MAP3K13: variants seen among roughly 807,000 people sequenced by gnomAD.
MAP3K13 encodes the protein leucine zipper-bearing kinase.
In MAP3K13, 52 loss-of-function variants were observed where a neutral mutation model predicts 104.0. The observed-to-expected ratio is 0.50, with a 90% CI of 0.40 to 0.63. The LOEUF is 0.63. Ranked by LOEUF, MAP3K13 falls within the 20% of genes least tolerant of loss-of-function variation. The pLI is 0.00. For missense variants in MAP3K13, 914 were observed against 1,218.5 expected (o/e 0.75, Z 3.72); for synonymous variants, 394 against 442.2 (o/e 0.89, Z 1.37).
chr3:185,462,807 T>A lies in MAP3K13; in HGVS notation c.1279-743T>A, dbSNP rs185797601. On this transcript the variant is annotated intron_variant, in intron 7 of 13. Transcript: ENST00000265026. ...AATAAATAAATAAACAAATTTTTTT[T>A]AAAGCAGTCATTCAAAGCCTAGGTG... Among the ~76,000 whole-genome samples the A allele has an allele frequency of 1.7e-3, 255 of 152,230 alleles. 1 individual carries two copies. Among genetic ancestry groups the A allele is most frequent in the African/African-American group, 4.9e-3 (205 of 41,554 alleles).
At chr3:185,363,547 A>G (rs950005069) in intron 1 of MAP3K13, among the ~76,000 whole-genome samples, 179 bp downstream of exon 1, 3 of 152,110 alleles carry the variant, frequency 2.0e-5, no homozygotes, top group Non-Finnish European at 4.4e-5. Context: ...AGCCTCTGAA[A>G]CTGACAGCTG....
chr3:185,356,443 CA>C (rs1723354792), intron 2 of MAP3K13, among the ~76,000 whole-genome samples: 1 of 152,194 alleles, frequency 6.6e-6, no homozygotes, highest in South Asian at 2.1e-4. Context: ...GGAGGTCCAG[CA>C]GAGTAACTGG....
At chr3:185,456,596 CTTTTTTTTTT>C (rs35547697) in intron 7 of MAP3K13, among the ~76,000 whole-genome samples, 1 of 108,006 alleles carries the variant, frequency 9.3e-6, no homozygotes, top group African/African-American at 3.5e-5. Context: ...TTTGCTTCTC[CTTTTTTTTTT>C]TTTTTTTTTT....
chr3:185,455,646 G>C (rs1032530297), intron 7 of MAP3K13, among the ~76,000 whole-genome samples: 4 of 8,102 alleles, frequency 4.9e-4, no homozygotes, highest in African/African-American at 1.3e-3. Context: ...ATATATATGA[G>C]ATATATATAT....
rs567904911 is a variant in MAP3K13 at position 185,354,925 on chromosome 3, G to T, written c.-86+69282G>T. ...GGGGAGGGTTAACAGGTAATGGATA[G>T]AATTTAAAAGTATAGTCAGTTTCAA... On this transcript the variant is annotated intron_variant, in intron 2 of 14. Coordinates refer to the MAP3K13 transcript ENST00000424227. Among the ~76,000 whole-genome samples the T allele has an allele frequency of 2.6e-5, 4 of 152,216 alleles. 1 individual carries two copies. In the South Asian group the frequency reaches 8.3e-4, roughly 32 times the overall value.
At chr3:185,465,991 C>A (rs189515605) in intron 9 of MAP3K13, 128 bp downstream of exon 9, 1 of 737,234 alleles carries the variant, frequency 1.4e-6, no homozygotes, top group East Asian at 2.7e-5. Flanking sequence ...ACATTCCTTC[C>A]GGGATGTGCT....
At chr3:185,306,318 A>G (rs1389348790) in intron 2 of MAP3K13, among the ~76,000 whole-genome samples, 1 of 152,234 alleles carries the variant, frequency 6.6e-6, no homozygotes, top group Non-Finnish European at 1.5e-5. Context: ...GCTAGGTTGA[A>G]TGGTAGTTCT....
At chr3:185,341,662 G>A (rs1454327684) in intron 2 of MAP3K13, among the ~76,000 whole-genome samples, 1 of 152,122 alleles carries the variant, frequency 6.6e-6, no homozygotes, top group African/African-American at 2.4e-5. Flanking sequence ...CCTTGGGTGT[G>A]GGCTGGACCT....
At chr3:185,326,924 G>C (rs1005217298) in intron 2 of MAP3K13, among the ~76,000 whole-genome samples, 2 of 152,158 alleles carry the variant, frequency 1.3e-5, no homozygotes, top group Non-Finnish European at 2.9e-5. Flanking sequence ...ATTCTGTTCA[G>C]TCTTGAGTAT....
At chr3:185,393,489 C>T (rs1401292383) in intron 1 of MAP3K13, among the ~76,000 whole-genome samples, 7 of 146,464 alleles carry the variant, frequency 4.8e-5, no homozygotes, top group African/African-American at 1.0e-4. Flanking sequence ...GACGGAGTCT[C>T]GCTCTGTTGT....
At chr3:185,341,488 T>G (rs1297942703) in intron 2 of MAP3K13, among the ~76,000 whole-genome samples, 1 of 152,238 alleles carries the variant, frequency 6.6e-6, no homozygotes, top group Non-Finnish European at 1.5e-5. Context: ...TCTGTTGTTT[T>G]AAGCCACCAG....
intron 2 of MAP3K13, among the ~76,000 whole-genome samples, chr3:185,288,039 A>G (rs1334893266): frequency 6.6e-6 from 1 of 152,220 alleles, no homozygotes; most frequent in Middle Eastern, 3.2e-3. Flanking sequence ...TATTTTGCAT[A>G]TAGTCATTTC....
At chr3:185,399,585 G>A (rs560592392) in intron 1 of MAP3K13, among the ~76,000 whole-genome samples, 78 of 142,642 alleles carry the variant, frequency 5.5e-4, no homozygotes, top group Non-Finnish European at 7.6e-4. Context: ...TCCAGCCTGG[G>A]CATAGGGTGA....
intron 1 of MAP3K13, among the ~76,000 whole-genome samples, chr3:185,386,734 G>A (rs1433942669): frequency 1.3e-5 from 2 of 152,198 alleles, no homozygotes; most frequent in Non-Finnish European, 2.9e-5. Flanking sequence ...AAAGGAATAA[G>A]ATCATGTTCT....
chr3:185,472,378 AATTTTTGT>A (rs1355043387), intron 10 of MAP3K13, among the ~76,000 whole-genome samples: 6 of 151,586 alleles, frequency 4.0e-5, no homozygotes, highest in African/African-American at 1.5e-4. Flanking sequence ...ACGCCTGGCT[AATTTTTGT>A]ATTTTTAGTA....
At chr3:185,437,245 A>G (rs1289554250) in intron 2 of MAP3K13, among the ~76,000 whole-genome samples, 1 of 152,064 alleles carries the variant, frequency 6.6e-6, no homozygotes, top group East Asian at 1.9e-4. Context: ...GCTTTATTTC[A>G]GTGATTTAAA....
chr3:185,330,103 A>C (rs1348820253), intron 2 of MAP3K13, among the ~76,000 whole-genome samples: 1 of 130,024 alleles, frequency 7.7e-6, no homozygotes, highest in Non-Finnish European at 1.6e-5. Flanking sequence ...GGGTTTCACC[A>C]TGTTAGCCAG....
At chr3:185,362,330 AT>A (rs1723661397), upstream of MAP3K13, among the ~76,000 whole-genome samples, 1 of 152,226 alleles carries the variant, frequency 6.6e-6, no homozygotes, top group African/African-American at 2.4e-5. Context: ...TCTTGAGTGA[AT>A]TTAATACAGC....
In MAP3K13 at chr3:185,346,872, C is replaced by T. The variant is rs137865018; in HGVS notation, c.-86+61229C>T. Among the ~76,000 whole-genome samples, 339 of 152,104 alleles carry T rather than the reference C, an allele frequency of 2.2e-3. 2 individuals are homozygous for T. Among genetic ancestry groups the T allele is most frequent in the African/African-American group, 7.7e-3 (321 of 41,460 alleles). ...TGACCTTTTCCTCCTCCTCCCTCTG[C>T]CTTATTAGTATGCTTATCTATCTAC... On this transcript the variant is annotated intron_variant, in intron 2 of 14. Transcript: ENST00000424227.
Sources: gnomAD v4.1 joint callset for allele counts (sites outside exome capture counted in the v4.1 genomes callset) on GRCh38, gnomAD v4.1.1 for gene constraint, MANE v1.5 for transcripts, NCBI Gene and HGNC (gene_info 2026-07-23, HGNC 2026-07-21) for gene names.